Variants in PM20D1 observed in about 807,000 individuals in gnomAD.
PM20D1 encodes N-fatty-acyl-amino acid synthase/hydrolase PM20D1.
PM20D1 carries 53 observed loss-of-function variants against 53.8 expected under a neutral mutation model. That is an observed-to-expected ratio of 0.98 (90% CI 0.79 to 1.24). The LOEUF is 1.24. PM20D1 is among the 50% of genes most tolerant of loss of function. The pLI is 0.00. For synonymous variants in PM20D1, 239 were observed against 241.3 expected (o/e 0.99, Z 0.09); for missense variants, 564 against 616.8 (o/e 0.91, Z 0.91).
Position 205,828,703 on chromosome 1 carries a change from C to G in PM20D1, c.1426G>C (p.Glu476Gln). 6.2e-7 allele frequency: 1 copy of G among 1,614,150 alleles called. No homozygotes were observed. The highest frequency in any genetic ancestry group is 8.5e-7 in the Non-Finnish European group (1 of 1,180,002). The change falls in exon 13 of 13, where the codon GAG becomes CAG. Residue 476 changes from glutamate (E) to glutamine (Q), a missense_variant. Glu to Gln is a conservative substitution (Grantham distance 29). Transcript: ENST00000367136. ...TCAAAGATGAATTTCACTTGGGTCT[C>G]ATAGGCTTGGACTGAGATTTTCTCG... ...VNEKISVQAYETQVKFIFELI... is the reference protein window; with the variant it reads ...VNEKISVQAYQTQVKFIFELI...
At chr1:205,849,754 G>GGGAA (rs1657085854) in intron 1 of PM20D1, 150 bp downstream of exon 1, 1 of 970,082 alleles carries the variant, frequency 1.0e-6, no homozygotes, top group African/African-American at 1.6e-5. Flanking sequence ...ACGATGTGCT[G>GGGAA]GGAAGGGTGT....
intron 4 of PM20D1, 38 bp downstream of exon 4, chr1:205,844,773 C>T (rs778124641): frequency 1.3e-6 from 2 of 1,585,670 alleles, no homozygotes; most frequent in Non-Finnish European, 1.7e-6. Flanking sequence ...CTACCCTCAA[C>T]AGAGGACAGA....
intron 10 of PM20D1, 113 bp downstream of exon 10, chr1:205,840,139 G>A: frequency 2.5e-6 from 2 of 799,960 alleles, no homozygotes; most frequent in Non-Finnish European, 3.7e-6. Flanking sequence ...GAAAAATGTT[G>A]GTTGAATAAA....
chr1:205,844,004 C>T lies in PM20D1; in HGVS notation c.707+83G>A, dbSNP rs1219529093. The T allele has an allele frequency of 2.6e-6, 4 of 1,537,372 alleles. No homozygotes were observed. In the African/African-American group the frequency reaches 4.1e-5, roughly 16 times the overall value. ...AGGTGTACACAAAGAGTTGTCTCAG[C>T]ATGGCTCACAGATACCAGGCTGGGG... On this transcript the variant is annotated intron_variant, in intron 5 of 12. Transcript: ENST00000367136.
chr1:205,843,539 A>G (rs372103745), intron 6 of PM20D1, 128 bp downstream of exon 6: 25 of 1,383,228 alleles, frequency 1.8e-5, no homozygotes, highest in Middle Eastern at 5.3e-4. Context: ...TCTAGTGTCA[A>G]TTTTTTATAG....
chr1:205,840,373 A>G lies in PM20D1; in HGVS notation c.1045-50T>C, dbSNP rs112117379. On this transcript the variant is annotated intron_variant, in intron 9 of 12. Transcript: ENST00000367136. ...GGCTTGAGTCAACCTCAAATCTTCT[A>G]CATCTGCCTGCCCAGGAAATGCTAA... The G allele has an allele frequency of 4.9e-4, 746 of 1,533,054 alleles. 3 individuals are homozygous for G. In the African/African-American group the frequency reaches 5.9e-3, roughly 12 times the overall value. The allele number at this position is 1,533,054 out of a possible 1,614,324, so 95.0% of individuals were successfully genotyped here. A position where few individuals can be genotyped will look rare whatever the true frequency, so the allele number is the denominator to read the frequency against.
chr1:205,843,849 C>T (rs190356693), intron 5 of PM20D1, 63 bp from the exon 6 acceptor site: 188 of 1,580,578 alleles, frequency 1.2e-4, no homozygotes, highest in South Asian at 1.5e-4. Context: ...TCCCATAGGC[C>T]CATAGGTCCA....
intron 10 of PM20D1, among the ~76,000 whole-genome samples, chr1:205,835,974 C>T (rs531688332): frequency 1.3e-5 from 2 of 151,990 alleles, no homozygotes; most frequent in Admixed American, 6.6e-5. Flanking sequence ...CTCCTGGGTT[C>T]GAGTGATTCT....
intron 12 of PM20D1, among the ~76,000 whole-genome samples, chr1:205,829,290 A>G (rs901633904): frequency 2.0e-5 from 3 of 152,158 alleles, no homozygotes; most frequent in Non-Finnish European, 2.9e-5. Flanking sequence ...CAGCCTCCCA[A>G]AGTATTGGGA....
Position 205,828,662 on chromosome 1 carries a change from A to G in PM20D1, c.1467T>C (p.Ala489=). The change falls in exon 13 of 13, where the codon GCT becomes GCC. Residue 489 remains alanine (A), a synonymous_variant. Transcript: ENST00000367136. The part of the protein sequence containing the change: ...VKFIFELIQN[A]DTDQEPVSHL... ...GAGAAACTGGCTCCTGGTCTGTGTC[A>G]GCATTCTGAATCAACTCAAAGATGA... The G allele has an allele frequency of 6.2e-7, 1 of 1,614,200 alleles. No individual in the cohort carries two copies.
intron 10 of PM20D1, among the ~76,000 whole-genome samples, chr1:205,836,375 G>T (rs1656687821): frequency 6.6e-6 from 1 of 152,232 alleles, no homozygotes; most frequent in African/African-American, 2.4e-5. Flanking sequence ...ACTCAAGACA[G>T]GTTGTCATCC....
intron 10 of PM20D1, among the ~76,000 whole-genome samples, chr1:205,836,636 A>AT (rs1656693139): frequency 6.6e-6 from 1 of 152,060 alleles, no homozygotes; most frequent in Non-Finnish European, 1.5e-5. Context: ...GCCTCCTGTG[A>AT]GTAGCTGGGA....
At chr1:205,845,004 A>T in intron 3 of PM20D1, 107 bp from the exon 4 acceptor site, 1 of 912,244 alleles carries the variant, frequency 1.1e-6, no homozygotes, top group South Asian at 1.5e-5. Context: ...TGGGATGAGG[A>T]TGTGATAGAT....
Position 205,841,670 on chromosome 1 carries a change from A to T in PM20D1, c.1044+141T>A, listed in dbSNP as rs1656811135. On this transcript the variant is annotated intron_variant, in intron 9 of 12. Coordinates refer to ENST00000367136, the MANE Select transcript of PM20D1 (RefSeq NM_152491.5). ...GGTCTAACTCCCTTCAAGATTTCAG[A>T]AAGGCCTATGTCTTTGCGTGGCTAG... The T allele has an allele frequency of 2.2e-5, 18 of 817,514 alleles. No homozygotes were observed. In the South Asian group the frequency reaches 3.0e-4, roughly 14 times the overall value. 50.6% of individuals were successfully genotyped at this position (817,514 alleles called of 1,614,324 possible).
At chr1:205,837,550 C>T (rs6697375) in intron 10 of PM20D1, among the ~76,000 whole-genome samples, 25,196 of 152,136 alleles carry the variant, frequency 0.17, 2,850 homozygotes, top group African/African-American at 0.33. Flanking sequence ...GGATCCAGCC[C>T]GAGGCTCTGT....
intron 2 of PM20D1, among the ~76,000 whole-genome samples, chr1:205,847,006 CTTT>C (rs778538865): frequency 2.9e-4 from 13 of 44,664 alleles, no homozygotes; most frequent in South Asian, 1.2e-3. Context: ...TCCTTCCTTT[CTTT>C]TTTTTTTTTT....
At chr1:205,834,864 A>G (rs936495546) in intron 10 of PM20D1, among the ~76,000 whole-genome samples, 13 of 151,806 alleles carry the variant, frequency 8.6e-5, no homozygotes, top group African/African-American at 3.2e-4. Context: ...CCAGGCAGGG[A>G]CTGTGTCTGA....
chr1:205,841,795 G>C lies in PM20D1; in HGVS notation c.1044+16C>G. Reference sequence around the variant, plus strand: ...CGGTAGGGAAAAGCTATATGGGGAGGAACCAGGGATGTTACCTTGACCCCT... The same window carrying C: ...CGGTAGGGAAAAGCTATATGGGGAGCAACCAGGGATGTTACCTTGACCCCT... On this transcript the variant is annotated intron_variant, in intron 9 of 12. Coordinates refer to ENST00000367136, the MANE Select transcript of PM20D1 (RefSeq NM_152491.5). 6.4e-6 allele frequency: 10 copies of C among 1,554,884 alleles called. No homozygotes were observed. The highest frequency in any genetic ancestry group is 8.7e-6 in the Non-Finnish European group (10 of 1,146,688).
At position 205,832,746 on chromosome 1, in the gene PM20D1, G is replaced by A. The variant is rs1332600383; in HGVS notation, c.1137C>T (p.Asn379=). 3.7e-6 allele frequency: 6 copies of A among 1,602,946 alleles called. No individual in the cohort carries two copies. In the African/African-American group the frequency reaches 5.4e-5, roughly 14 times the overall value. ...ACTGGACTCTGTTATCAGCCACAAT[G>A]TTCTTCGTGAGTTCTAGGACCTCCA... ...TVQEVLELTK[N]IVADNRVQFH... The change falls in exon 11 of 13, where the codon AAC becomes AAT. Residue 379 remains asparagine, a synonymous_variant. Transcript: ENST00000367136.
Sources: allele counts gnomAD v4.1 joint callset (sites outside exome capture counted in the v4.1 genomes callset), GRCh38; gene constraint gnomAD v4.1.1; transcripts MANE v1.5; gene names NCBI Gene and HGNC (gene_info 2026-07-23, HGNC 2026-07-21).